Variants in LCORL observed in about 807,000 individuals in gnomAD.
LCORL encodes ligand dependent nuclear receptor corepressor like.
In LCORL, 41 loss-of-function variants were observed where a neutral mutation model predicts 141.8. The observed-to-expected ratio is 0.29, with a 90% CI of 0.23 to 0.38. The LOEUF (loss-of-function observed/expected upper bound fraction) is 0.38. Ranked by LOEUF, LCORL falls within the 10% of genes least tolerant of loss-of-function variation. The pLI, the probability that LCORL is intolerant of heterozygous loss-of-function variation, is 1.00. For missense variants in LCORL, 1,759 were observed against 2,035.0 expected, an observed-to-expected ratio of 0.86 and a Z score of 2.61; for synonymous variants, 618 against 694.1, an observed-to-expected ratio of 0.89 and a Z score of 1.72.
chr4:17,894,676 G>T (rs1238331463), intron 5 of LCORL, among the ~76,000 whole-genome samples: 1 of 152,182 alleles, frequency 6.6e-6, no homozygotes, highest in Non-Finnish European at 1.5e-5. Context: ...CACACATCAT[G>T]TAGCTTCTGG....
intron 4 of LCORL, among the ~76,000 whole-genome samples, chr4:17,917,852 A>G (rs919310439): frequency 6.6e-6 from 1 of 152,218 alleles, no homozygotes; most frequent in Non-Finnish European, 1.5e-5. Context: ...CTGAATCTCA[A>G]AATCAACTGA....
At chr4:17,908,641 G>C (rs1732031162) in intron 5 of LCORL, among the ~76,000 whole-genome samples, 1 of 152,062 alleles carries the variant, frequency 6.6e-6, no homozygotes, top group Non-Finnish European at 1.5e-5. Flanking sequence ...TTAGTTACAT[G>C]ATAACATTAT....
At chr4:17,946,861 AAAG>A (rs1180747124) in intron 4 of LCORL, among the ~76,000 whole-genome samples, 1 of 151,996 alleles carries the variant, frequency 6.6e-6, no homozygotes, top group African/African-American at 2.4e-5. Context: ...AGAGCTATTA[AAAG>A]AAGAAAAAAT....
intron 6 of LCORL, chr4:17,880,590 TG>T: frequency 1.0e-6 from 1 of 968,810 alleles, no homozygotes; most frequent in Non-Finnish European, 1.2e-6. Flanking sequence ...AACAAGTCAG[TG>T]TAGTCAGTTT....
At chr4:17,866,632 A>C (rs1473319764) in intron 7 of LCORL, among the ~76,000 whole-genome samples, 2 of 152,176 alleles carry the variant, frequency 1.3e-5, no homozygotes, top group Non-Finnish European at 2.9e-5. Context: ...TTTAAATAAA[A>C]CAAACACAAA....
intron 5 of LCORL, among the ~76,000 whole-genome samples, chr4:17,891,367 C>T (rs1225065435): frequency 6.6e-6 from 1 of 151,930 alleles, no homozygotes; most frequent in African/African-American, 2.4e-5. Flanking sequence ...AAACAAAAAA[C>T]GATGTAGCCA....
intron 7 of LCORL, among the ~76,000 whole-genome samples, chr4:17,868,159 G>A (rs1018306368): frequency 1.3e-4 from 20 of 152,120 alleles, no homozygotes; most frequent in African/African-American, 4.6e-4. Flanking sequence ...AGTATGTATG[G>A]TTAGTCTTGG....
intron 6 of LCORL, chr4:17,881,197 A>G: frequency 1.0e-6 from 1 of 981,890 alleles, no homozygotes; most frequent in Non-Finnish European, 1.2e-6. Flanking sequence ...GAACATTCAA[A>G]TAAGTAGAAA....
At chr4:17,857,398 T>A (rs1324581942) in intron 7 of LCORL, among the ~76,000 whole-genome samples, 2 of 152,174 alleles carry the variant, frequency 1.3e-5, no homozygotes, top group Non-Finnish European at 2.9e-5. Context: ...AACCAGGTAA[T>A]AATTTTCTGG....
At chr4:18,012,171 A>C (rs963498751) in intron 1 of LCORL, among the ~76,000 whole-genome samples, 5 of 152,230 alleles carry the variant, frequency 3.3e-5, no homozygotes, top group Admixed American at 1.3e-4. Context: ...AATAACTAAT[A>C]TTGGCAACAT....
intron 7 of LCORL, among the ~76,000 whole-genome samples, chr4:17,871,326 T>C (rs1427330864): frequency 4.0e-5 from 6 of 151,812 alleles, no homozygotes; most frequent in African/African-American, 7.2e-5. Context: ...GGAAATAGTA[T>C]TAGTAATTTT....
chr4:17,876,712 G>T, exon 7 of LCORL: 2 of 1,230,748 alleles, frequency 1.6e-6, no homozygotes, highest in Admixed American at 4.2e-5. Context: ...TTTCTCAAAA[G>T]AGTTTGAGTA....
intron 6 of LCORL, 120 bp from the exon 7 acceptor site, chr4:17,878,333 A>G: frequency 1.9e-6 from 1 of 532,028 alleles, no homozygotes; most frequent in Non-Finnish European, 2.9e-6. Context: ...ACTCCTAGAG[A>G]GCTGCAATAA....
In LCORL at chr4:18,021,589, C is replaced by T; in HGVS notation, c.154+9G>A. 4.6e-6 allele frequency: 7 copies of T among 1,518,158 alleles called. No individual in the cohort carries two copies. The highest frequency in any genetic ancestry group is 6.2e-6 in the Non-Finnish European group (7 of 1,134,066). The allele number at this position is 1,518,158 out of a possible 1,614,324, so 94.0% of individuals were successfully genotyped here. ...CGGAGCCCGGGGCCCCGGCCCGCGT[C>T]TCTCTTACCTACACAGTGCATGAGG... On this transcript the variant is annotated intron_variant, in intron 1 of 7. Coordinates refer to ENST00000635767, the Ensembl canonical transcript of LCORL. This position sits in a 1 kb window ranked among gnomAD's most constrained non-coding sequence, Gnocchi z 5.5.
intron 2 of LCORL, among the ~76,000 whole-genome samples, chr4:17,963,958 G>C (rs995105720): frequency 6.6e-6 from 1 of 152,060 alleles, no homozygotes; most frequent in Admixed American, 6.6e-5. Flanking sequence ...ACATGATGAA[G>C]TTGAATACAC....
chr4:17,978,331 C>A (rs964042286), intron 1 of LCORL, among the ~76,000 whole-genome samples: 1 of 152,098 alleles, frequency 6.6e-6, no homozygotes, highest in African/African-American at 2.4e-5. Flanking sequence ...CACAGTGGCT[C>A]ATGCCTGTAA....
chr4:17,968,185 C>T (rs1460991649), intron 2 of LCORL, among the ~76,000 whole-genome samples: 1 of 152,116 alleles, frequency 6.6e-6, no homozygotes, highest in Non-Finnish European at 1.5e-5. Context: ...ATTGACATTA[C>T]TTTTTAACGA....
chr4:18,016,165 G>C (rs998238232), intron 1 of LCORL, among the ~76,000 whole-genome samples: 1 of 142,054 alleles, frequency 7.0e-6, no homozygotes, highest in Admixed American at 6.8e-5. Context: ...CTAATAACCT[G>C]TGTAAACCAA....
At chr4:17,972,955 ACT>A in intron 1 of LCORL, 70 bp from the exon 2 acceptor site, 1 of 654,858 alleles carries the variant, frequency 1.5e-6, no homozygotes, top group Non-Finnish European at 2.4e-6. Context: ...AAAGTCATAA[ACT>A]CTGTATCAAT....
Sources: gnomAD v4.1 joint callset for allele counts (sites outside exome capture counted in the v4.1 genomes callset) on GRCh38, gnomAD v4.1.1 for gene constraint, Gnocchi (gnomAD v3.1) non-coding constraint, MANE v1.5 for transcripts, NCBI Gene and HGNC (gene_info 2026-07-23, HGNC 2026-07-21) for gene names.